Variants in MINDY2 observed in about 807,000 individuals in gnomAD.
The protein encoded by MINDY2 is ubiquitin carboxyl-terminal hydrolase MINDY-2.
MINDY2 carries 52 observed loss-of-function variants against 68.2 expected under a neutral mutation model. That is an observed-to-expected ratio of 0.76 (90% CI 0.61 to 0.96). The LOEUF (loss-of-function observed/expected upper bound fraction) is 0.96, where lower values mean the gene tolerates loss of function less well. Ranked by LOEUF, MINDY2 falls within the 40% of genes least tolerant of loss-of-function variation. The pLI is 0.00. For missense variants in MINDY2, 881 were observed against 773.4 expected (o/e 1.14, Z -1.65); for synonymous variants, 372 against 303.0 (o/e 1.23, Z -2.36).
chr15:58,825,107 A>G (rs1373735492), intron 5 of MINDY2, among the ~76,000 whole-genome samples: 1 of 152,234 alleles, frequency 6.6e-6, no homozygotes, highest in Non-Finnish European at 1.5e-5. Flanking sequence ...TTTATTAAAA[A>G]ATAAGTTTTG....
At chr15:58,799,199 A>AATTT (rs1902474613) in intron 2 of MINDY2, among the ~76,000 whole-genome samples, 1 of 152,202 alleles carries the variant, frequency 6.6e-6, no homozygotes, top group South Asian at 2.1e-4. Flanking sequence ...ACAAATGTTC[A>AATTT]ATTTTCTAAG....
chr15:58,809,088 T>C (rs1367375580), intron 3 of MINDY2, among the ~76,000 whole-genome samples: 1 of 152,160 alleles, frequency 6.6e-6, no homozygotes, highest in Non-Finnish European at 1.5e-5. Context: ...AGCATATACC[T>C]GTAGCCCCAG....
At chr15:58,791,109 G>A (rs1328501486) in intron 2 of MINDY2, among the ~76,000 whole-genome samples, 2 of 148,898 alleles carry the variant, frequency 1.3e-5, no homozygotes, top group African/African-American at 2.5e-5. Context: ...GAACCCAGGC[G>A]GCGGAGGTTG....
intron 6 of MINDY2, among the ~76,000 whole-genome samples, chr15:58,844,709 G>A (rs1279429516): frequency 1.3e-5 from 2 of 151,736 alleles, no homozygotes; most frequent in African/African-American, 4.8e-5. Context: ...CTGAGGTCAG[G>A]AGTTCGAGAC....
intron 6 of MINDY2, among the ~76,000 whole-genome samples, chr15:58,842,503 A>G (rs1455222758): frequency 6.6e-6 from 1 of 152,140 alleles, no homozygotes; most frequent in Non-Finnish European, 1.5e-5. Context: ...AAGTTTAGCT[A>G]TTTTTAAAGC....
intron 8 of MINDY2, among the ~76,000 whole-genome samples, chr15:58,854,112 C>T (rs1329025661): frequency 6.6e-6 from 1 of 151,790 alleles, no homozygotes; most frequent in Non-Finnish European, 1.5e-5. Flanking sequence ...GGCGTGGTGG[C>T]AGGTGCCTGT....
intron 6 of MINDY2, among the ~76,000 whole-genome samples, chr15:58,836,416 C>T (rs4566091): frequency 0.032 from 4,937 of 152,052 alleles, 289 homozygotes; most frequent in African/African-American, 0.11. Context: ...CCATGCATTG[C>T]ATTTGATAGA....
chr15:58,855,229 CA>C lies in MINDY2; in HGVS notation c.*624del, dbSNP rs2033020688. 1 of 152,564 alleles carries C rather than the reference CA, an allele frequency of 6.6e-6. No individual in the cohort carries two copies. The highest frequency in any genetic ancestry group is 2.4e-5 in the African/African-American group (1 of 41,440). 9.5% of individuals were successfully genotyped at this position (152,564 alleles called of 1,614,324 possible). On this transcript the variant is annotated 3_prime_UTR_variant, in exon 9 of 9. Coordinates refer to ENST00000559228, the MANE Select transcript of MINDY2 (RefSeq NM_001040450.3). ...TGGAGCTTAGTTTTAATTTAGATAG[CA>C]AAAATAAAGATTTGTATTTCTTTTC... is the stretch of plus-strand genomic sequence containing the variant.
intron 4 of MINDY2, among the ~76,000 whole-genome samples, chr15:58,812,298 GC>G (rs1348608210): frequency 2.0e-5 from 3 of 151,964 alleles, no homozygotes; most frequent in Non-Finnish European, 2.9e-5. Context: ...TTAGTCGGGT[GC>G]AGTGGCAGGC....
intron 6 of MINDY2, among the ~76,000 whole-genome samples, chr15:58,837,237 C>T (rs1185519137): frequency 2.0e-5 from 3 of 151,950 alleles, no homozygotes; most frequent in Admixed American, 1.3e-4. Flanking sequence ...TAAACTTGAG[C>T]CCCAGAGAAT....
At chr15:58,850,067 A>G (rs1182716595) in intron 7 of MINDY2, among the ~76,000 whole-genome samples, 2 of 152,160 alleles carry the variant, frequency 1.3e-5, no homozygotes, top group East Asian at 3.9e-4. Context: ...CATCCTCTGT[A>G]TTATTTAAAA....
chr15:58,773,718 A>T (rs1349466227), intron 1 of MINDY2, among the ~76,000 whole-genome samples: 3 of 151,084 alleles, frequency 2.0e-5, no homozygotes, highest in African/African-American at 7.3e-5. Context: ...TGTTTGTTTT[A>T]AAGACAAATT....
intron 3 of MINDY2, among the ~76,000 whole-genome samples, chr15:58,808,988 A>C (rs546490286): frequency 2.0e-5 from 3 of 152,322 alleles, no homozygotes; most frequent in South Asian, 4.1e-4. Context: ...GAGGCGGAGA[A>C]TCACTTGAGC....
intron 2 of MINDY2, among the ~76,000 whole-genome samples, chr15:58,795,597 G>C (rs1029907145): frequency 6.6e-6 from 1 of 151,960 alleles, no homozygotes; most frequent in Non-Finnish European, 1.5e-5. Flanking sequence ...GTAGAGACAG[G>C]GTTTCACCGT....
chr15:58,778,223 G>C (rs1354098904), intron 1 of MINDY2, among the ~76,000 whole-genome samples: 3 of 152,064 alleles, frequency 2.0e-5, no homozygotes, highest in Non-Finnish European at 4.4e-5. Context: ...AGAGAAGATA[G>C]AGTATTGCAA....
intron 2 of MINDY2, among the ~76,000 whole-genome samples, chr15:58,794,037 G>C (rs1237361447): frequency 6.6e-6 from 1 of 152,112 alleles, no homozygotes; most frequent in Non-Finnish European, 1.5e-5. Context: ...CTGGACTTTT[G>C]CCTGATGAGC....
intron 2 of MINDY2, chr15:58,796,008 T>C (rs1244757512): frequency 2.3e-6 from 1 of 444,036 alleles, no homozygotes; most frequent in African/African-American, 2.0e-5. Flanking sequence ...TCTTTATGAC[T>C]TGGCAGTGTG....
intron 3 of MINDY2, among the ~76,000 whole-genome samples, chr15:58,804,524 A>C (rs1445692291): frequency 6.6e-6 from 1 of 151,756 alleles, no homozygotes; most frequent in East Asian, 2.0e-4. Flanking sequence ...CGTGTTTGCA[A>C]GCACCAGGCG....
chr15:58,847,333 C>T lies in MINDY2; in HGVS notation c.1405C>T (p.Leu469Phe). Residue 469 changes from leucine (L) to phenylalanine (F), a missense_variant, in exon 7 of 9, where the codon CTT (leucine) becomes TTT (phenylalanine). Transcript: ENST00000559228. ...TTTGTTGGTAACGGACCAGGGGTTT[C>T]TTACTGAAGAGAAAGTTGTTTGGGA... ...LYLLVTDQGF[L>F]TEEKVVWESL... 6.3e-7 allele frequency: 1 copy of T among 1,592,438 alleles called. No individual in the cohort carries two copies. Among genetic ancestry groups the T allele is most frequent in the Non-Finnish European group, 8.6e-7 (1 of 1,163,476 alleles).
Sources: allele counts gnomAD v4.1 joint callset (sites outside exome capture counted in the v4.1 genomes callset), GRCh38; gene constraint gnomAD v4.1.1; transcripts MANE v1.5; gene names NCBI Gene and HGNC (gene_info 2026-07-23, HGNC 2026-07-21).